FGFR2: variants seen among roughly 807,000 people sequenced by gnomAD.
The protein encoded by FGFR2 is BEK fibroblast growth factor receptor.
Under a neutral mutation model 95.9 loss-of-function variants are expected in FGFR2, and 19 were observed. The ratio of observed to expected loss-of-function variants is 0.20; its 90% CI spans 0.14 to 0.29. The LOEUF (loss-of-function observed/expected upper bound fraction) is 0.29. Ranked by LOEUF, FGFR2 falls within the 10% of genes least tolerant of loss-of-function variation. The probability of loss-of-function intolerance (pLI) is 1.00; values close to 1 mark genes in which losing one functional copy is unlikely to be tolerated. For synonymous variants in FGFR2, 392 were observed against 393.3 expected (o/e 1.00, Z 0.04); for missense variants, 707 against 1,056.9 (o/e 0.67, Z 4.59).
rs916992644 is a variant in FGFR2 at position 121,531,179 on chromosome 10, A to G, written c.748+7413T>C. On this transcript the variant is annotated intron_variant, in intron 6 of 17. Transcript: ENST00000358487. This position sits in a 1 kb window ranked among gnomAD's most constrained non-coding sequence, Gnocchi z 4.5. ...TAGCCTGCAGAGAATGTGACAAAAA[A>G]GCTGACATCGCAGAGTTCTACCATG... The G allele has an allele frequency of 6.6e-6, 1 of 152,224 alleles. No homozygotes were observed. The highest frequency in any genetic ancestry group is 1.5e-5 in the Non-Finnish European group (1 of 68,044). 9.4% of individuals were successfully genotyped at this position (152,224 alleles called of 1,614,324 possible). A position where few individuals can be genotyped will look rare whatever the true frequency, so the allele number is the denominator to read the frequency against.
chr10:121,547,404 T>G lies in FGFR2; in HGVS notation c.624+3886A>C, dbSNP rs553821723. Among the ~76,000 whole-genome samples, 36 of 151,288 alleles carry G rather than the reference T, an allele frequency of 2.4e-4. 1 individual carries two copies. In the East Asian group the frequency reaches 3.9e-3, roughly 16 times the overall value. On this transcript the variant is annotated intron_variant, in intron 5 of 17. Coordinates refer to ENST00000358487, the MANE Select transcript of FGFR2 (RefSeq NM_000141.5). ...GTGCAAAGGTACCTTTTTTTTCTTT[T>G]TTTTTTTTTTGACAGAGTCTTCCTC...
chr10:121,532,266 A>G (rs1397664677), intron 6 of FGFR2, among the ~76,000 whole-genome samples: 3 of 152,160 alleles, frequency 2.0e-5, no homozygotes, highest in African/African-American at 7.2e-5. Context: ...CAAGCATGAC[A>G]ACCTAAAAGG....
chr10:121,557,031 G>A (rs1856257450), intron 4 of FGFR2, among the ~76,000 whole-genome samples: 1 of 152,218 alleles, frequency 6.6e-6, no homozygotes, highest in Non-Finnish European at 1.5e-5. Flanking sequence ...GAGGGGGTAT[G>A]TCTGTGGCTT....
At chr10:121,492,111 G>GGCTGCAGTGAGCCAAGATCACGCC (rs1846216593) in intron 13 of FGFR2, among the ~76,000 whole-genome samples, 1 of 152,132 alleles carries the variant, frequency 6.6e-6, no homozygotes, top group South Asian at 2.1e-4. Flanking sequence ...AGGAGGCCAA[G>GGCTGCAGTGAGCCAAGATCACGCC]GCTGCAGTGA....
intron 2 of FGFR2, among the ~76,000 whole-genome samples, chr10:121,577,176 T>TAG (rs1278087472): frequency 2.1e-3 from 16 of 7,492 alleles, no homozygotes; most frequent in Non-Finnish European, 2.9e-3. Context: ...TATATATATA[T>TAG]ATAGAGAGAG....
At chr10:121,526,053 A>G (rs1229380050) in intron 6 of FGFR2, 5 of 396,764 alleles carry the variant, frequency 1.3e-5, no homozygotes, top group Non-Finnish European at 2.2e-5. Flanking sequence ...CCCAGTATTG[A>G]TCTGGAAACA....
intron 13 of FGFR2, among the ~76,000 whole-genome samples, chr10:121,490,379 G>C (rs537214856): frequency 6.6e-6 from 1 of 152,110 alleles, no homozygotes; most frequent in South Asian, 2.1e-4. Flanking sequence ...GGTCAGGCTG[G>C]TCTCAAACTC....
chr10:121,493,018 A>G (rs2433759), intron 13 of FGFR2, among the ~76,000 whole-genome samples: 144,810 of 152,156 alleles, frequency 0.95, 69,077 homozygotes, highest in East Asian at 1. Context: ...TCCACTCTTC[A>G]GACCTACAAG....
Position 121,518,335 on chromosome 10 carries a change from G to A in FGFR2, c.940-872C>T, listed in dbSNP as rs940969292. 4.6e-5 allele frequency among the ~76,000 whole-genome samples: 7 copies of A among 152,140 alleles called. No individual in the cohort carries two copies. The highest frequency in any genetic ancestry group is 9.7e-5 in the African/African-American group (4 of 41,406). On this transcript the variant is annotated intron_variant, in intron 7 of 17. Transcript: ENST00000358487. The surrounding 1 kb of genome is among the most constrained non-coding windows in gnomAD (Gnocchi z 4.0). ...AACTCTGCTGATACTCAAATGCCCC[G>A]TATTAAACAGGCATGGAAGCGTGTG...
At chr10:121,581,821 T>C (rs1390409845) in intron 2 of FGFR2, among the ~76,000 whole-genome samples, 1 of 148,598 alleles carries the variant, frequency 6.7e-6, no homozygotes, top group Non-Finnish European at 1.5e-5. Flanking sequence ...TCCCAGTCCC[T>C]GGGAACTCCT....
rs2134254293 is a variant in FGFR2, at chr10:121,517,332, C to T, written c.1071G>A (p.Leu357=). ...AACAGTATATACCTGGCAGAACTGT[C>T]AACCATGCAGAGTGAAAGGATATCC... ...SIGISFHSAW[L]TVLPAPGREK... Residue 357 remains leucine, a synonymous_variant, in exon 8 of 18, where the codon TTG becomes TTA. Transcript: ENST00000358487. The surrounding 1 kb of genome is among the most constrained non-coding windows in gnomAD (Gnocchi z 4.7). 1 of 1,614,184 alleles carries T rather than the reference C, an allele frequency of 6.2e-7. No individual in the cohort carries two copies. Among genetic ancestry groups the T allele is most frequent in the Non-Finnish European group, 8.5e-7 (1 of 1,180,024 alleles).
Position 121,481,998 on chromosome 10 carries a change from C to T in FGFR2, c.2301+1700G>A, listed in dbSNP as rs544441963. 1.5e-4 allele frequency: 77 copies of T among 504,396 alleles called. 1 individual carries two copies. The highest frequency in any genetic ancestry group is 9.6e-4 in the South Asian group (40 of 41,820). The allele number at this position is 504,396 out of a possible 1,614,324, so 31.2% of individuals were successfully genotyped here. On this transcript the variant is annotated intron_variant, in intron 17 of 17. Coordinates refer to ENST00000358487, the MANE Select transcript of FGFR2 (RefSeq NM_000141.5). ...GATTACAGGTGCACACCAACACGCC[C>T]GGCTAATTTTTTGTATCTTTAGTAG...
At chr10:121,500,984 G>A (rs780555370) in intron 10 of FGFR2, 37 bp from the exon 11 acceptor site, 4 of 1,611,590 alleles carry the variant, frequency 2.5e-6, no homozygotes, top group Admixed American at 3.3e-5. Context: ...CATAGCATCT[G>A]GTGATGGGGT....
At chr10:121,596,524 G>A (rs964282157) in intron 1 of FGFR2, 1 of 195,304 alleles carries the variant, frequency 5.1e-6, no homozygotes, top group Admixed American at 6.1e-5. Context: ...AGTCAACAGT[G>A]TCCGGCTCCT....
intron 9 of FGFR2, among the ~76,000 whole-genome samples, chr10:121,512,139 G>C (rs1178479500): frequency 6.6e-6 from 1 of 152,118 alleles, no homozygotes; most frequent in East Asian, 1.9e-4. Context: ...TAAATGCCTA[G>C]AAACAACCCA....
rs763551066 is a variant in FGFR2, at chr10:121,538,421, G to A, written c.748+171C>T. 8.6e-6 allele frequency: 9 copies of A among 1,043,036 alleles called. No homozygotes were observed. In the East Asian group the frequency reaches 2.1e-4, roughly 25 times the overall value. 64.6% of individuals were successfully genotyped at this position (1,043,036 alleles called of 1,614,324 possible). A position where few individuals can be genotyped will look rare whatever the true frequency, so the allele number is the denominator to read the frequency against. On this transcript the variant is annotated intron_variant, in intron 6 of 17. Transcript: ENST00000358487. ...ATAAACCCTGGCTGCCTGGAAAACA[G>A]AATATTGTCAGATGACAGAAGCAGC...
intron 2 of FGFR2, among the ~76,000 whole-genome samples, chr10:121,577,176 T>TAGAGAGAG (rs1278087472): frequency 0.031 from 234 of 7,474 alleles, 1 homozygote; most frequent in South Asian, 0.047. Context: ...TATATATATA[T>TAGAGAGAG]ATAGAGAGAG....
chr10:121,564,361 CA>C, intron 4 of FGFR2, 140 bp downstream of exon 4: 1 of 764,530 alleles, frequency 1.3e-6, no homozygotes, highest in Non-Finnish European at 2.3e-6. Flanking sequence ...GTTTGAAAGT[CA>C]GGAAAGTAGA....
In FGFR2 at chr10:121,496,522, A is replaced by G. The variant is rs2133931674; in HGVS notation, c.1863+10T>C. 1 of 1,614,046 alleles carries G rather than the reference A, an allele frequency of 6.2e-7. No homozygotes were observed. ...ATTCCACCCAGCCAAGTAGAATGTG[A>G]AAGACTCACTTTTTGGGAAGCCAAG... On this transcript the variant is annotated intron_variant, in intron 13 of 17. Coordinates refer to ENST00000358487, the MANE Select transcript of FGFR2 (RefSeq NM_000141.5).
Sources: gnomAD v4.1 joint callset for allele counts (sites outside exome capture counted in the v4.1 genomes callset) on GRCh38, gnomAD v4.1.1 for gene constraint, Gnocchi (gnomAD v3.1) non-coding constraint, MANE v1.5 for transcripts, NCBI Gene and HGNC (gene_info 2026-07-23, HGNC 2026-07-21) for gene names.